The following ZNF831 variants were observed in gnomAD, a reference collection of about 807,000 sequenced individuals.
ZNF831 encodes zinc finger protein 831.
Under a neutral mutation model 95.8 loss-of-function variants are expected in ZNF831, and 59 were observed. That is an observed-to-expected ratio of 0.62 (90% CI 0.50 to 0.77). ZNF831 has a LOEUF of 0.77. Among genes scored for constraint, ZNF831 ranks in the 30% least tolerant of loss-of-function variants. The pLI, the probability that ZNF831 is intolerant of heterozygous loss-of-function variation, is 0.00. For missense variants in ZNF831, 2,205 were observed against 2,164.0 expected (o/e 1.02, Z -0.38); for synonymous variants, 961 against 925.5 (o/e 1.04, Z -0.70).
At chr20:59,214,251 A>C (rs1165938448) in intron 4 of ZNF831, among the ~76,000 whole-genome samples, 2 of 152,210 alleles carry the variant, frequency 1.3e-5, no homozygotes, top group African/African-American at 2.4e-5. Context: ...TTTAGCATTA[A>C]GCCTCTAAAA....
At chr20:59,203,270 T>C (rs552567178) in intron 3 of ZNF831, among the ~76,000 whole-genome samples, 1 of 152,306 alleles carries the variant, frequency 6.6e-6, no homozygotes, top group Non-Finnish European at 1.5e-5. Context: ...TTAAATATGG[T>C]TTTTAACTTA....
chr20:59,230,844 C>T (rs1568784471), intron 4 of ZNF831, among the ~76,000 whole-genome samples: 1 of 152,310 alleles, frequency 6.6e-6, no homozygotes, highest in East Asian at 1.9e-4. Flanking sequence ...CTCATGAAGA[C>T]TGAAAATGCC....
rs374820470 is a variant in ZNF831 at position 59,194,386 on chromosome 20, G to A, written c.3367G>A (p.Asp1123Asn). The change falls in exon 2 of 6, where the codon GAC becomes AAC. Residue 1123 changes from aspartate (D) to asparagine (N), a missense_variant. Physicochemically the swap from Asp to Asn is conservative, Grantham distance 23. Transcript: ENST00000371030. ...TTCTTCAGGGCCCCTGGTGGGCCCC[G>A]ACCCGTGTTCCCCCCTCCAGCCTGG... ...DPSSGPLVGP[D>N]PCSPLQPGSF... 28 of 1,609,978 alleles carry A rather than the reference G, an allele frequency of 1.7e-5. No homozygotes were observed. Among genetic ancestry groups the A allele is most frequent in the South Asian group, 7.7e-5 (7 of 90,550 alleles).
intron 4 of ZNF831, among the ~76,000 whole-genome samples, chr20:59,207,676 T>C (rs952129602): frequency 6.6e-6 from 1 of 152,186 alleles, no homozygotes; most frequent in South Asian, 2.1e-4. Context: ...GGATCTCAAT[T>C]TCCTCTTCCT....
rs1198402959 is a variant in ZNF831 at position 59,257,222 on chromosome 20, G to C, written c.*2479G>C. On this transcript the variant is annotated 3_prime_UTR_variant, in exon 6 of 6. Coordinates refer to ENST00000371030, the MANE Select transcript of ZNF831 (RefSeq NM_178457.3). ...CTGTATCTCTTACAAAGGTAAAGCA[G>C]GTAGCGAAGCCACCTTGCTTCCCTG... The C allele has an allele frequency of 6.6e-6, 1 of 152,200 alleles. No homozygotes were observed. The highest frequency in any genetic ancestry group is 1.9e-4 in the East Asian group (1 of 5,198). 9.4% of individuals were successfully genotyped at this position (152,200 alleles called of 1,614,324 possible).
intron 4 of ZNF831, among the ~76,000 whole-genome samples, chr20:59,214,645 A>G (rs1260530478): frequency 6.6e-6 from 1 of 152,254 alleles, no homozygotes; most frequent in Non-Finnish European, 1.5e-5. Flanking sequence ...GTGTCTGCAC[A>G]TGTGCTCACA....
intron 1 of ZNF831, among the ~76,000 whole-genome samples, chr20:59,128,393 G>A (rs956342333): frequency 6.6e-5 from 10 of 152,192 alleles, no homozygotes; most frequent in African/African-American, 2.4e-4. Context: ...TCCTAGAAGG[G>A]ACCCCTAGAT....
chr20:59,185,773 T>TCTCCCTTC (rs1601352937), intron 1 of ZNF831, among the ~76,000 whole-genome samples: 1 of 152,190 alleles, frequency 6.6e-6, no homozygotes, highest in East Asian at 1.9e-4. Flanking sequence ...CGGACTTATT[T>TCTCCCTTC]CTCCCTTCCT....
rs1163414311 is a variant in ZNF831 at position 59,195,760 on chromosome 20, T to C, written c.3739-109T>C. On this transcript the variant is annotated intron_variant, in intron 2 of 5. Transcript: ENST00000371030. ...CCCGTTTAGCAATGCAGTATTTCCG[T>C]TTTGATTTCTGAAGACAGGCATCTT... is the stretch of plus-strand genomic sequence containing the variant. 12 of 1,507,508 alleles carry C rather than the reference T, an allele frequency of 8.0e-6. No homozygotes were observed. In the Admixed American group the frequency reaches 2.7e-4, roughly 34 times the overall value. The allele number at this position is 1,507,508 out of a possible 1,614,324, so 93.4% of individuals were successfully genotyped here. A position where few individuals can be genotyped will look rare whatever the true frequency, so the allele number is the denominator to read the frequency against.
At chr20:59,203,604 A>C (rs1984680569) in intron 3 of ZNF831, among the ~76,000 whole-genome samples, 1 of 152,266 alleles carries the variant, frequency 6.6e-6, no homozygotes, top group Non-Finnish European at 1.5e-5. Context: ...AAAATCAAGC[A>C]GACCCCTGCA....
intron 4 of ZNF831, among the ~76,000 whole-genome samples, chr20:59,223,003 C>A (rs918221311): frequency 5.3e-4 from 81 of 152,242 alleles, no homozygotes; most frequent in African/African-American, 1.9e-3. Flanking sequence ...ACCAGACGAC[C>A]CCAGCCTGTG....
intron 1 of ZNF831, among the ~76,000 whole-genome samples, chr20:59,140,154 G>T (rs915878447): frequency 1.3e-5 from 2 of 152,210 alleles, no homozygotes; most frequent in African/African-American, 4.8e-5. Flanking sequence ...TTTCTCAGAG[G>T]TGATGAAATG....
Position 59,191,644 on chromosome 20 carries a change from G to T in ZNF831, c.625G>T (p.Ala209Ser). The change falls in exon 2 of 6, where the codon GCC becomes TCC. Residue 209 changes from alanine to serine, a missense_variant. Coordinates refer to ENST00000371030, the MANE Select transcript of ZNF831 (RefSeq NM_178457.3). ...NSRLSSESEG[A>S]GGGLLEEGDK... ...CCGGCTGTCCTCAGAGTCCGAGGGC[G>T]CCGGGGGCGGCCTCCTGGAGGAAGG... 1 of 1,564,226 alleles carries T rather than the reference G, an allele frequency of 6.4e-7. No homozygotes were observed. The highest frequency in any genetic ancestry group is 8.7e-7 in the Non-Finnish European group (1 of 1,154,728).
At position 59,208,697 on chromosome 20, in the gene ZNF831, T is replaced by G. The variant is rs890547883; in HGVS notation, c.4027+1641T>G. On this transcript the variant is annotated intron_variant, in intron 4 of 5. Coordinates refer to ENST00000371030, the MANE Select transcript of ZNF831 (RefSeq NM_178457.3). The surrounding 1 kb of genome is among the most constrained non-coding windows in gnomAD (Gnocchi z 4.2). The stretch of plus-strand genomic sequence containing the variant: ...GCTGACTCCTCGTTCCCTGTTCCCA[T>G]GGACTCTTCCCTCACTTTTGCCCCC... Among the ~76,000 whole-genome samples the G allele has an allele frequency of 2.0e-5, 3 of 152,196 alleles. No individual in the cohort carries two copies. The South Asian group carries it at 6.2e-4, about 31-fold the overall frequency.
rs2146552450 is a variant in ZNF831 at position 59,191,715 on chromosome 20, C to T, written c.696C>T (p.Ser232=). The change falls in exon 2 of 6, where the codon AGC becomes AGT. Residue 232 remains serine (S), a synonymous_variant. Transcript: ENST00000371030. ...EPPRPEGRGE[S]RCQGMHEGAS... is the part of the protein sequence containing the mutation. Reference sequence around the variant, plus strand: ...CCAGACCAGAGGGCAGGGGCGAGAGCAGGTGCCAGGGGATGCACGAAGGCG... The same window carrying T: ...CCAGACCAGAGGGCAGGGGCGAGAGTAGGTGCCAGGGGATGCACGAAGGCG... 1 of 1,576,106 alleles carries T rather than the reference C, an allele frequency of 6.3e-7. No individual in the cohort carries two copies. The highest frequency in any genetic ancestry group is 1.8e-5 in the Admixed American group (1 of 56,724).
chr20:59,124,141 GA>G (rs1294054864), intron 1 of ZNF831, among the ~76,000 whole-genome samples: 2 of 152,106 alleles, frequency 1.3e-5, no homozygotes. Context: ...AGCAGCTCAG[GA>G]AAAATAAACT....
chr20:59,198,392 G>C (rs1348002119), intron 3 of ZNF831, among the ~76,000 whole-genome samples: 2 of 152,264 alleles, frequency 1.3e-5, no homozygotes, highest in African/African-American at 4.8e-5. Flanking sequence ...CATGGCAACA[G>C]CCAGATGGAG....
chr20:59,176,671 A>G (rs1331087183), intron 1 of ZNF831, among the ~76,000 whole-genome samples: 1 of 152,188 alleles, frequency 6.6e-6, no homozygotes, highest in Non-Finnish European at 1.5e-5. Context: ...GTGCCTATCC[A>G]TACCTTGTAG....
intron 4 of ZNF831, among the ~76,000 whole-genome samples, chr20:59,233,580 A>G (rs964468035): frequency 2.0e-5 from 3 of 152,190 alleles, no homozygotes; most frequent in African/African-American, 7.2e-5. Context: ...AGCCTCCATA[A>G]ATGATTATTT....
Sources: allele counts gnomAD v4.1 joint callset (sites outside exome capture counted in the v4.1 genomes callset), GRCh38; gene constraint gnomAD v4.1.1; non-coding constraint Gnocchi (gnomAD v3.1); transcripts MANE v1.5; gene names NCBI Gene and HGNC (gene_info 2026-07-23, HGNC 2026-07-21).